KIF7: variants seen among roughly 807,000 people sequenced by gnomAD.
KIF7 encodes the protein kinesin family member 7, also known as kinesin-like protein KIF7.
A neutral mutation model predicts 135.7 loss-of-function variants in KIF7; 104 were observed. The ratio of observed to expected loss-of-function variants is 0.77; its 90% confidence interval spans 0.65 to 0.90. The LOEUF (loss-of-function observed/expected upper bound fraction) is 0.90, where lower values mean the gene tolerates loss of function less well. Ranked by LOEUF, KIF7 falls within the 40% of genes least tolerant of loss-of-function variation. KIF7 has a pLI of 0.00. For synonymous variants in KIF7, 883 were observed against 809.4 expected (o/e 1.09, Z -1.54); for missense variants, 2,005 against 1,839.1 (o/e 1.09, Z -1.65).
chr15:89,629,526 C>G lies in KIF7; in HGVS notation c.3366G>C (p.Ser1122=). ...EEQHQQQIAF[S]ELEMQLEEQQ... ...GCTCCTCCAGCTGCATCTCCAGTTC[C>G]GAGAAGGCAATCTGCTGCTGGTGCT... The change falls in exon 17 of 19, where the codon TCG becomes TCC. Residue 1122 remains serine, a synonymous_variant. Coordinates refer to ENST00000394412, the MANE Select transcript of KIF7 (RefSeq NM_198525.3). 3 of 1,610,700 alleles carry G rather than the reference C, an allele frequency of 1.9e-6. No individual in the cohort carries two copies. Among genetic ancestry groups the G allele is most frequent in the Admixed American group, 3.3e-5 (2 of 60,028 alleles).
downstream of KIF7, chr15:89,623,792 C>G (rs764841038): frequency 6.2e-6 from 10 of 1,613,974 alleles, no homozygotes; most frequent in East Asian, 2.2e-4. Flanking sequence ...AAAGACTCCT[C>G]CTCACCCGGC....
In KIF7 at chr15:89,655,413, G is replaced by A. The variant is rs970420522; in HGVS notation, c.-39C>T. On this transcript the variant is annotated 5_prime_UTR_variant, in exon 1 of 19. Transcript: ENST00000394412. ...CCCACACTCACCTGCCTGGCTGCAA[G>A]CGCCGTCCCGGGCCAGGCAGTCAGG... 6.6e-6 allele frequency: 1 copy of A among 152,234 alleles called. No individual in the cohort carries two copies. The highest frequency in any genetic ancestry group is 1.9e-4 in the East Asian group (1 of 5,174). 9.4% of individuals were successfully genotyped at this position (152,234 alleles called of 1,614,324 possible).
downstream of KIF7, chr15:89,626,833 C>T: frequency 9.2e-7 from 1 of 1,081,936 alleles, no homozygotes; most frequent in Non-Finnish European, 1.3e-6. Flanking sequence ...ATAAGCGAAC[C>T]TCCAAGCAGT....
chr15:89,627,002 C>T (rs766447828), downstream of KIF7: 4 of 1,614,150 alleles, frequency 2.5e-6, no homozygotes, highest in Non-Finnish European at 2.5e-6. Flanking sequence ...ACTCTCCTTT[C>T]AGTCGCGCTT....
chr15:89,648,472 C>G lies in KIF7; in HGVS notation c.1226G>C (p.Cys409Ser). Residue 409 changes from cysteine (C) to serine (S), a missense_variant, in exon 5 of 19, where the codon TGC becomes TCC. Coordinates refer to ENST00000394412, the MANE Select transcript of KIF7 (RefSeq NM_198525.3). ...GTCGGTGCAGGCCCGGTAGCGCGCGCACTCGGCGCCCAGGCGCATGGCGGC... is the reference window on the plus strand; with the variant it reads ...GTCGGTGCAGGCCCGGTAGCGCGCGGACTCGGCGCCCAGGCGCATGGCGGC... Reference protein sequence around the residue: ...AAAAMRLGAECARYRACTDAA... With the variant: ...AAAAMRLGAESARYRACTDAA... 1 of 1,050,536 alleles carries G rather than the reference C, an allele frequency of 9.5e-7. No homozygotes were observed. Among genetic ancestry groups the G allele is most frequent in the Non-Finnish European group, 1.1e-6 (1 of 871,642 alleles). 65.1% of individuals were successfully genotyped at this position (1,050,536 alleles called of 1,614,324 possible).
At chr15:89,623,858 G>A (rs746836323), downstream of KIF7, 18 of 1,613,860 alleles carry the variant, frequency 1.1e-5, no homozygotes, top group Non-Finnish European at 1.5e-5. Context: ...ACCCAGGCAG[G>A]AGAAGGTACC....
At chr15:89,625,607 G>A (rs375925528), downstream of KIF7, 8 of 1,613,026 alleles carry the variant, frequency 5.0e-6, no homozygotes, top group African/African-American at 1.1e-4. Flanking sequence ...TCTTCCTGGG[G>A]ACAGTTTGGG....
In KIF7 at chr15:89,629,544, CTGG is replaced by C. The variant is rs1458581710; in HGVS notation, c.3345_3347del (p.His1115del). 2 of 1,608,948 alleles carry C rather than the reference CTGG, an allele frequency of 1.2e-6. No individual in the cohort carries two copies. ...CCAGTTCCGAGAAGGCAATCTGCTG[CTGG>C]TGCTGCTCCTCTCGGAGCGTCACCA... On this transcript the variant is annotated inframe_deletion, in exon 17 of 19. Transcript: ENST00000394412.
intron 1 of KIF7, among the ~76,000 whole-genome samples, chr15:89,622,469 C>T (rs902368200): frequency 6.6e-6 from 1 of 152,216 alleles, no homozygotes; most frequent in Non-Finnish European, 1.5e-5. Flanking sequence ...TTGCTTAAAG[C>T]TCTATAGACT....
chr15:89,633,801 C>G lies in KIF7; in HGVS notation c.2477G>C (p.Arg826Pro). The G allele has an allele frequency of 1.9e-6, 3 of 1,612,560 alleles. No homozygotes were observed. In the South Asian group the frequency reaches 3.3e-5, roughly 18 times the overall value. Residue 826 changes from arginine to proline, a missense_variant, in exon 12 of 19, where the codon CGG becomes CCG. Physicochemically the swap from Arg to Pro is moderately radical, Grantham distance 103. Coordinates refer to ENST00000394412, the MANE Select transcript of KIF7 (RefSeq NM_198525.3). ...QSEKRLQELE[R>P]NVQLMRQQQG... Reference sequence around the variant, plus strand: ...CTGCTGCCGCATGAGCTGCACGTTCCGCTCGAGCTCCTGCAGTCGCTTCTC... The same window carrying G: ...CTGCTGCCGCATGAGCTGCACGTTCGGCTCGAGCTCCTGCAGTCGCTTCTC...
chr15:89,624,184 C>T (rs747524675), downstream of KIF7: 1 of 1,614,098 alleles, frequency 6.2e-7, no homozygotes, highest in South Asian at 1.1e-5. Flanking sequence ...TATCAAAACT[C>T]CAAAAAGACC....
chr15:89,625,307 C>T (rs148575563), downstream of KIF7: 573 of 1,614,088 alleles, frequency 3.5e-4, 1 homozygote, highest in Non-Finnish European at 3.9e-4. Flanking sequence ...GATGGGGTTC[C>T]TTGGACACCA....
At chr15:89,643,730 C>G (rs1963962042) in intron 10 of KIF7, among the ~76,000 whole-genome samples, 1 of 152,032 alleles carries the variant, frequency 6.6e-6, no homozygotes, top group Non-Finnish European at 1.5e-5. Flanking sequence ...ACTAAAAATA[C>G]AAAAATTAGC....
intron 1 of KIF7, among the ~76,000 whole-genome samples, chr15:89,618,514 C>T (rs1963372757): frequency 6.6e-6 from 1 of 152,212 alleles, no homozygotes; most frequent in African/African-American, 2.4e-5. Flanking sequence ...GAGCTTTTCA[C>T]TACATATTTT....
intron 1 of KIF7, chr15:89,618,342 C>A (rs1963368689): frequency 3.8e-6 from 3 of 787,524 alleles, no homozygotes; most frequent in Middle Eastern, 2.4e-4. Flanking sequence ...CACAATGCAG[C>A]TCAGTAAATA....
rs947433457 is a variant in KIF7, at chr15:89,632,979, C to T, written c.2736G>A (p.Lys912=). ...LEQQQKIEEQ[K]KWLDQEMEKV... is the part of the protein sequence containing the mutation. ...TCTCCATCTCCTGGTCCAGCCACTTCTTCTGCTCCTCAATCTTCTAAGGAA... is the reference window on the plus strand; with the variant it reads ...TCTCCATCTCCTGGTCCAGCCACTTTTTCTGCTCCTCAATCTTCTAAGGAA... The change falls in exon 14 of 19, where the codon AAG becomes AAA. Residue 912 remains lysine (K), a synonymous_variant. Transcript: ENST00000394412. 1.5e-6 allele frequency: 2 copies of T among 1,379,006 alleles called. No homozygotes were observed. The highest frequency in any genetic ancestry group is 1.9e-6 in the Non-Finnish European group (2 of 1,028,418). The allele number at this position is 1,379,006 out of a possible 1,614,324, so 85.4% of individuals were successfully genotyped here.
At chr15:89,624,119 A>C, downstream of KIF7, 1 of 1,613,912 alleles carries the variant, frequency 6.2e-7, no homozygotes, top group Non-Finnish European at 8.5e-7. Context: ...CAACAGCCCC[A>C]TGTCCTCAGA....
downstream of KIF7, chr15:89,624,651 T>C (rs765602539): frequency 1.2e-6 from 2 of 1,613,776 alleles, no homozygotes; most frequent in Non-Finnish European, 1.7e-6. Context: ...GTCTCAGGAG[T>C]GATTGGCATG....
At chr15:89,655,740 C>A (rs1964199908), upstream of KIF7, among the ~76,000 whole-genome samples, 1 of 152,230 alleles carries the variant, frequency 6.6e-6, no homozygotes, top group Non-Finnish European at 1.5e-5. Context: ...TCTCTGTTTT[C>A]CACTCCCAGT....
Sources: gnomAD v4.1 joint callset for allele counts (sites outside exome capture counted in the v4.1 genomes callset) on GRCh38, gnomAD v4.1.1 for gene constraint, MANE v1.5 for transcripts, NCBI Gene and HGNC (gene_info 2026-07-23, HGNC 2026-07-21) for gene names.